The following NDUFS2 variants were observed in gnomAD, a reference collection of about 807,000 sequenced individuals.
NDUFS2 encodes NADH dehydrogenase [ubiquinone] iron-sulfur protein 2, mitochondrial.
NDUFS2 carries 38 observed loss-of-function variants against 69.6 expected under a neutral mutation model. The ratio of observed to expected loss-of-function variants is 0.55; its 90% CI spans 0.42 to 0.72. The LOEUF is 0.72. Ranked by LOEUF, NDUFS2 falls within the 30% of genes least tolerant of loss-of-function variation. The pLI is 0.00. For missense variants in NDUFS2, 468 were observed against 595.0 expected, an observed-to-expected ratio of 0.79 and a Z score of 2.22; for synonymous variants, 194 against 211.2, an observed-to-expected ratio of 0.92 and a Z score of 0.70.
upstream of NDUFS2, among the ~76,000 whole-genome samples, chr1:161,201,246 G>A (rs74124660): frequency 0.015 from 2,234 of 152,340 alleles, 55 homozygotes; most frequent in African/African-American, 0.049. Context: ...TCCCAGGCCA[G>A]AAGTCTGGCT....
chr1:161,202,383 A>G lies in NDUFS2; in HGVS notation c.-3A>G. 6.2e-7 allele frequency: 1 copy of G among 1,610,914 alleles called. No homozygotes were observed. Among genetic ancestry groups the G allele is most frequent in the Non-Finnish European group, 8.5e-7 (1 of 1,178,914 alleles). ...CCTTCCCGCAGTCTGCAGCCGGAGT[A>G]AGATGGCGGCGCTGAGGGCTTTGTG... On this transcript the variant is annotated 5_prime_UTR_variant, in exon 1 of 14. Coordinates refer to ENST00000676972, the MANE Select transcript of NDUFS2 (RefSeq NM_001377299.1).
rs1665680748 is a variant in NDUFS2, at chr1:161,209,943, C to T, written c.702+12C>T. 1 of 1,613,874 alleles carries T rather than the reference C, an allele frequency of 6.2e-7. No homozygotes were observed. Among genetic ancestry groups the T allele is most frequent in the East Asian group, 2.2e-5 (1 of 44,870 alleles). On this transcript the variant is annotated intron_variant, in intron 6 of 13. Coordinates refer to ENST00000676972, the MANE Select transcript of NDUFS2 (RefSeq NM_001377299.1). ...GAGGAGTGCACCAGGTGAGCAGGTC[C>T]CCGGCTTCCCCAAATGTCCAGCCCA...
intron 1 of NDUFS2, 30 bp from the exon 2 acceptor site, chr1:161,203,407 T>G (rs1416918983): frequency 6.3e-7 from 1 of 1,591,062 alleles, no homozygotes; most frequent in South Asian, 1.1e-5. Flanking sequence ...GTTCAGGCCC[T>G]TTGTCTAGGA....
upstream of NDUFS2, chr1:161,198,066 T>C: frequency 1.2e-6 from 2 of 1,610,066 alleles, no homozygotes; most frequent in East Asian, 4.5e-5. This position sits in a 1 kb window ranked among gnomAD's most constrained non-coding sequence, Gnocchi z 4.7. Context: ...CCTTGACCGC[T>C]GGCAGGACTC....
chr1:161,201,620 C>T (rs1169376737), upstream of NDUFS2, among the ~76,000 whole-genome samples: 3 of 152,170 alleles, frequency 2.0e-5, no homozygotes, highest in Admixed American at 2.0e-4. Flanking sequence ...TGACGCAAGA[C>T]GGAAGTGGGG....
chr1:161,197,848 G>T, upstream of NDUFS2: 8 of 1,256,892 alleles, frequency 6.4e-6, no homozygotes, highest in South Asian at 1.0e-4. Flanking sequence ...TACCAAGAAA[G>T]GAGGCTCATG....
rs1218305354 is a variant in NDUFS2, at chr1:161,206,558, A to G, written c.354A>G (p.Arg118=). 11 of 1,613,952 alleles carry G rather than the reference A, an allele frequency of 6.8e-6. No homozygotes were observed. The highest frequency in any genetic ancestry group is 8.5e-6 in the Non-Finnish European group (10 of 1,180,038). Residue 118 remains arginine, a synonymous_variant, in exon 3 of 14, where the codon CGA becomes CGG. Coordinates refer to ENST00000676972, the MANE Select transcript of NDUFS2 (RefSeq NM_001377299.1). ...KCDPHIGLLH[R]GTEKLIEYKT... ...ATCCTCACATCGGGCTCCTGCACCG[A>G]GGCACTGAGAAGCTCATTGAATACA... is the stretch of plus-strand genomic sequence containing the variant.
intron 1 of NDUFS2, 139 bp from the exon 2 acceptor site, chr1:161,203,298 C>A: frequency 1.4e-6 from 1 of 730,814 alleles, no homozygotes; most frequent in Non-Finnish European, 2.4e-6. Context: ...AAGAGTGAAA[C>A]CCAGTCTCAA....
chr1:161,206,563 C>T lies in NDUFS2; in HGVS notation c.359C>T (p.Thr120Ile). 1 of 1,614,058 alleles carries T rather than the reference C, an allele frequency of 6.2e-7. No individual in the cohort carries two copies. The highest frequency in any genetic ancestry group is 8.5e-7 in the Non-Finnish European group (1 of 1,180,028). ...CACATCGGGCTCCTGCACCGAGGCA[C>T]TGAGAAGCTCATTGAATACAAGACC... ...DPHIGLLHRG[T>I]EKLIEYKTYL... is the part of the protein sequence containing the mutation. The change falls in exon 3 of 14, where the codon ACT becomes ATT. Residue 120 changes from threonine (T) to isoleucine (I), a missense_variant. Physicochemically the swap from Thr to Ile is moderately conservative, Grantham distance 89. Transcript: ENST00000676972.
rs1057524063 is a variant in NDUFS2, at chr1:161,202,488, C to G, written c.95+8C>G. 1 of 1,607,536 alleles carries G rather than the reference C, an allele frequency of 6.2e-7. No individual in the cohort carries two copies. The highest frequency in any genetic ancestry group is 1.3e-5 in the African/African-American group (1 of 74,846). On this transcript the variant is annotated splice_region_variant and intron_variant, in intron 1 of 13. Coordinates refer to ENST00000676972, the MANE Select transcript of NDUFS2 (RefSeq NM_001377299.1). ...GCCGATTCAGCCCAGCAGGTGAGATCGAGGGCAGCTCTCGACACACTTTCT... is the reference window on the plus strand; with the variant it reads ...GCCGATTCAGCCCAGCAGGTGAGATGGAGGGCAGCTCTCGACACACTTTCT...
chr1:161,214,363 T>C lies in NDUFS2; in HGVS notation c.*170T>C. 1.4e-6 allele frequency: 1 copy of C among 719,968 alleles called. No homozygotes were observed. The highest frequency in any genetic ancestry group is 2.4e-6 in the Non-Finnish European group (1 of 419,868). The allele number at this position is 719,968 out of a possible 1,614,324, so 44.6% of individuals were successfully genotyped here. On this transcript the variant is annotated 3_prime_UTR_variant, in exon 14 of 14. Transcript: ENST00000676972. ...TGTACTAAAAAAGGAGAAATTATAATAAATTAGCCGTCTTGCGGCCCCTAG... is the reference window on the plus strand; with the variant it reads ...TGTACTAAAAAAGGAGAAATTATAACAAATTAGCCGTCTTGCGGCCCCTAG...
chr1:161,200,890 A>G (rs1321276619), upstream of NDUFS2, among the ~76,000 whole-genome samples: 1 of 152,046 alleles, frequency 6.6e-6, no homozygotes, highest in African/African-American at 2.4e-5. Flanking sequence ...CAGCAGGGAG[A>G]AGGCACAAAA....
chr1:161,199,882 TC>T (rs1665041298), upstream of NDUFS2, among the ~76,000 whole-genome samples: 1 of 139,852 alleles, frequency 7.2e-6, no homozygotes, highest in African/African-American at 2.7e-5. Flanking sequence ...CCCCCAGGGT[TC>T]CCCCTCCCCA....
intron 3 of NDUFS2, among the ~76,000 whole-genome samples, chr1:161,207,362 C>T (rs1214587324): frequency 6.6e-6 from 1 of 152,204 alleles, no homozygotes; most frequent in Non-Finnish European, 1.5e-5. Flanking sequence ...CGTCTTAGCT[C>T]CACCCTCTTC....
intron 3 of NDUFS2, among the ~76,000 whole-genome samples, chr1:161,207,279 A>G (rs543983661): frequency 1.6e-4 from 25 of 152,344 alleles, no homozygotes; most frequent in East Asian, 5.8e-4. Flanking sequence ...CCTGGAGTCT[A>G]TGGGTTAACC....
rs11538340 is a variant in NDUFS2 at position 161,202,443 on chromosome 1, C to G, written c.58C>G (p.Pro20Ala). ...GGGCGTCGCGGCCCAGGTGCTGCGG[C>G]CTGGGGCTGGAGTCCGATTGCCGAT... ...FRGVAAQVLR[P>A]GAGVRLPIQP... is the part of the protein sequence containing the mutation. The change falls in exon 1 of 14, where the codon CCT (proline) becomes GCT (alanine). Residue 20 changes from proline to alanine, a missense_variant. Physicochemically the swap from Pro to Ala is conservative, Grantham distance 27. Coordinates refer to ENST00000676972, the MANE Select transcript of NDUFS2 (RefSeq NM_001377299.1). 11 of 1,612,084 alleles carry G rather than the reference C, an allele frequency of 6.8e-6. No homozygotes were observed. In the Admixed American group the frequency reaches 1.2e-4, roughly 17 times the overall value.
At chr1:161,212,624 A>G (rs781224196) in intron 10 of NDUFS2, 144 bp downstream of exon 10, 36 of 1,092,112 alleles carry the variant, frequency 3.3e-5, no homozygotes, top group Non-Finnish European at 4.3e-5. Context: ...CTGGAGTGCA[A>G]TCTCGGCTAA....
At chr1:161,202,942 G>A (rs1009963456) in intron 1 of NDUFS2, among the ~76,000 whole-genome samples, 1 of 152,154 alleles carries the variant, frequency 6.6e-6, no homozygotes, top group African/African-American at 2.4e-5. Flanking sequence ...TAGTAGGAAT[G>A]GAACCTCTAG....
chr1:161,206,471 A>G lies in NDUFS2; in HGVS notation c.267A>G (p.Pro89=), dbSNP rs760575668. Residue 89 remains proline, a synonymous_variant, in exon 3 of 14, where the codon CCA becomes CCG. Coordinates refer to ENST00000676972, the MANE Select transcript of NDUFS2 (RefSeq NM_001377299.1). ...NITLNFGPQH[P]AAHGVLRLVM... ...CCCTGAACTTTGGGCCCCAACACCC[A>G]GCAGCGCATGGTGTCCTGCGACTAG... 1.2e-6 allele frequency: 2 copies of G among 1,614,152 alleles called. No individual in the cohort carries two copies. The highest frequency in any genetic ancestry group is 1.7e-6 in the Non-Finnish European group (2 of 1,180,050).
Sources: gnomAD v4.1 joint callset for allele counts (sites outside exome capture counted in the v4.1 genomes callset) on GRCh38, gnomAD v4.1.1 for gene constraint, Gnocchi (gnomAD v3.1) non-coding constraint, MANE v1.5 for transcripts, NCBI Gene and HGNC (gene_info 2026-07-23, HGNC 2026-07-21) for gene names.